The following PRDM11 variants were observed in gnomAD, a reference collection of about 807,000 sequenced individuals.
PRDM11 encodes PR domain-containing protein 11.
A neutral mutation model predicts 97.8 loss-of-function variants in PRDM11; 20 were observed. The observed-to-expected ratio is 0.20, with a 90% confidence interval of 0.14 to 0.30. PRDM11 has a LOEUF of 0.30. Among genes scored for constraint, PRDM11 ranks in the 10% least tolerant of loss-of-function variants. The pLI, the probability that PRDM11 is intolerant of heterozygous loss-of-function variation, is 1.00. For missense variants in PRDM11, 1,139 were observed against 1,555.2 expected (o/e 0.73, Z 4.50); for synonymous variants, 599 against 637.7 (o/e 0.94, Z 0.91).
chr11:45,175,115 A>G (rs1457051478), intron 1 of PRDM11, among the ~76,000 whole-genome samples: 2 of 152,246 alleles, frequency 1.3e-5, no homozygotes, highest in Admixed American at 6.5e-5. Context: ...ATTTGTTACA[A>G]TTGATCAACC....
At chr11:45,127,334 CTT>C (rs1852597961) in intron 1 of PRDM11, among the ~76,000 whole-genome samples, 1 of 151,976 alleles carries the variant, frequency 6.6e-6, no homozygotes, top group Non-Finnish European at 1.5e-5. Context: ...CTTCTCCCAA[CTT>C]GTCAAAGTCA....
At chr11:45,191,917 G>T (rs567754427) in intron 4 of PRDM11, among the ~76,000 whole-genome samples, 158 of 152,134 alleles carry the variant, frequency 1.0e-3, no homozygotes, top group African/African-American at 3.7e-3. Flanking sequence ...TGCCATGGTG[G>T]TTTGCTGTAC....
intron 4 of PRDM11, among the ~76,000 whole-genome samples, chr11:45,185,222 G>A (rs567771058): frequency 1.5e-4 from 23 of 152,316 alleles, no homozygotes; most frequent in Non-Finnish European, 2.6e-4. Flanking sequence ...TCCTGTCCCC[G>A]GACATTGGGC....
At chr11:45,222,472 G>T (rs1472892756) in intron 6 of PRDM11, among the ~76,000 whole-genome samples, 1 of 152,204 alleles carries the variant, frequency 6.6e-6, no homozygotes, top group East Asian at 1.9e-4. Flanking sequence ...TGCTGCATCT[G>T]ATCTGTAAGA....
At chr11:45,107,402 G>A (rs1852080723) in intron 1 of PRDM11, among the ~76,000 whole-genome samples, 1 of 152,142 alleles carries the variant, frequency 6.6e-6, no homozygotes, top group Non-Finnish European at 1.5e-5. Flanking sequence ...CAAAAATTAG[G>A]TACACACAAA....
intron 1 of PRDM11, among the ~76,000 whole-genome samples, chr11:45,103,847 G>A (rs1384507872): frequency 2.0e-5 from 3 of 151,090 alleles, no homozygotes; most frequent in East Asian, 1.9e-4. Context: ...TACCTTTAAC[G>A]GTGAAAACCA....
chr11:45,136,230 G>A (rs796289063), intron 1 of PRDM11, among the ~76,000 whole-genome samples: 29 of 152,250 alleles, frequency 1.9e-4, no homozygotes, highest in African/African-American at 7.0e-4. Flanking sequence ...GATTTTGAAG[G>A]GGAAGAAGAG....
intron 1 of PRDM11, among the ~76,000 whole-genome samples, chr11:45,162,537 G>A (rs895926901): frequency 6.6e-6 from 1 of 152,152 alleles, no homozygotes; most frequent in African/African-American, 2.4e-5. Flanking sequence ...CAGGCTTTGG[G>A]TTCTGGCTCA....
chr11:45,132,586 GGTAGA>G (rs1852744565), intron 1 of PRDM11, among the ~76,000 whole-genome samples: 1 of 152,220 alleles, frequency 6.6e-6, no homozygotes, highest in African/African-American at 2.4e-5. Context: ...GTTCCTGAAA[GGTAGA>G]GTAATGCTTA....
upstream of PRDM11, among the ~76,000 whole-genome samples, chr11:45,146,368 A>T (rs975120007): frequency 3.9e-5 from 6 of 152,182 alleles, no homozygotes; most frequent in African/African-American, 1.4e-4. Context: ...TTCTGACCCC[A>T]AAAAAGTATC....
chr11:45,159,194 GC>G (rs1357733738), intron 1 of PRDM11, among the ~76,000 whole-genome samples: 6 of 152,232 alleles, frequency 3.9e-5, no homozygotes, highest in African/African-American at 1.4e-4. Flanking sequence ...AGTCTCCTCT[GC>G]CCTTTTAGAC....
intron 1 of PRDM11, among the ~76,000 whole-genome samples, chr11:45,173,915 A>G (rs1244576766): frequency 6.6e-6 from 1 of 152,172 alleles, no homozygotes; most frequent in Non-Finnish European, 1.5e-5. Context: ...TATATTCAGA[A>G]AAGTGCACAT....
chr11:45,212,397 A>G, intron 5 of PRDM11: 1 of 347,980 alleles, frequency 2.9e-6, no homozygotes, highest in Non-Finnish European at 5.7e-6. Flanking sequence ...TTTCAGGGGC[A>G]GGGCCAACCC....
chr11:45,234,226 G>T lies in PRDM11; in HGVS notation c.*6067G>T. The T allele has an allele frequency of 6.6e-6, 1 of 152,364 alleles. No homozygotes were observed. 9.4% of individuals were successfully genotyped at this position (152,364 alleles called of 1,614,324 possible). On this transcript the variant is annotated 3_prime_UTR_variant, in exon 8 of 8. Transcript: ENST00000683152. ...TCCTCTCTCTGTTTTTTTCCTCCTGGAGGTAGGAGAGAGGGCCTGACCAGG... is the reference window on the plus strand; with the variant it reads ...TCCTCTCTCTGTTTTTTTCCTCCTGTAGGTAGGAGAGAGGGCCTGACCAGG...
intron 1 of PRDM11, among the ~76,000 whole-genome samples, chr11:45,137,482 G>A (rs1337548809): frequency 1.3e-5 from 2 of 151,800 alleles, no homozygotes; most frequent in African/African-American, 2.4e-5. Flanking sequence ...TGGGTGTGGC[G>A]GCTCATGCCT....
intron 1 of PRDM11, among the ~76,000 whole-genome samples, chr11:45,157,363 C>T (rs567360943): frequency 3.9e-5 from 6 of 152,228 alleles, no homozygotes; most frequent in South Asian, 4.2e-4. Flanking sequence ...GCGCAGTTCA[C>T]GGTAGGGTTC....
intron 3 of PRDM11, 60 bp from the exon 4 acceptor site, chr11:45,182,801 C>A (rs1852558917): frequency 1.3e-6 from 2 of 1,508,302 alleles, no homozygotes; most frequent in Middle Eastern, 1.8e-4. Context: ...CTACCTCCCC[C>A]ATGGGGGTCT....
chr11:45,099,014 T>A lies in PRDM11; in HGVS notation c.96+3113T>A, dbSNP rs547926700. On this transcript the variant is annotated intron_variant, in intron 1 of 6. Coordinates refer to the PRDM11 transcript ENST00000530656. ...TGGCTGATAGTGTATTGAAGTGGAC[T>A]GGAGAGGGATCATTGGCAGGAGGGA... Among the ~76,000 whole-genome samples the A allele has an allele frequency of 5.9e-5, 9 of 152,176 alleles. No individual in the cohort carries two copies. The South Asian group carries it at 1.9e-3, about 32-fold the overall frequency.
At chr11:45,193,904 T>C (rs1328785400) in intron 4 of PRDM11, among the ~76,000 whole-genome samples, 2 of 152,240 alleles carry the variant, frequency 1.3e-5, no homozygotes, top group African/African-American at 4.8e-5. Flanking sequence ...TGGAGCCAGG[T>C]CTGCTCCAGA....
Sources: allele counts gnomAD v4.1 joint callset (sites outside exome capture counted in the v4.1 genomes callset), GRCh38; gene constraint gnomAD v4.1.1; transcripts MANE v1.5; gene names NCBI Gene and HGNC (gene_info 2026-07-23, HGNC 2026-07-21).